The following PCDHGB1 variants were observed in gnomAD, a reference collection of about 807,000 sequenced individuals.
The protein encoded by PCDHGB1 is protocadherin gamma-B1.
A neutral mutation model predicts 56.6 loss-of-function variants in PCDHGB1; 34 were observed. The ratio of observed to expected loss-of-function variants is 0.60; its 90% CI spans 0.46 to 0.80. The LOEUF (loss-of-function observed/expected upper bound fraction) is 0.80, where lower values mean the gene tolerates loss of function less well. PCDHGB1 is among the 30% of genes least tolerant of loss of function. The pLI is 0.00. For missense variants in PCDHGB1, 1,278 were observed against 1,204.6 expected, an observed-to-expected ratio of 1.06 and a Z score of -0.90; for synonymous variants, 561 against 505.9, an observed-to-expected ratio of 1.11 and a Z score of -1.46.
intron 1 of PCDHGB1, chr5:141,419,027 G>A (rs1415215066): frequency 6.2e-7 from 1 of 1,613,870 alleles, no homozygotes; most frequent in Admixed American, 1.7e-5. Flanking sequence ...AAGTAGAGGT[G>A]TTCCATTTAA....
intron 1 of PCDHGB1, chr5:141,402,840 T>C: frequency 7.2e-7 from 1 of 1,388,218 alleles, no homozygotes; most frequent in Non-Finnish European, 9.5e-7. Flanking sequence ...GCAGCAAAAC[T>C]CAGCCTCTTT....
intron 1 of PCDHGB1, chr5:141,418,648 A>G (rs1387887578): frequency 1.2e-6 from 2 of 1,614,036 alleles, no homozygotes; most frequent in Non-Finnish European, 1.7e-6. Flanking sequence ...CCATCCTGAG[A>G]GTGAAGGCCA....
rs557311426 is a variant in PCDHGB1, at chr5:141,384,226, G to T, written c.2409+31557G>T. 56 of 1,613,860 alleles carry T rather than the reference G, an allele frequency of 3.5e-5. No homozygotes were observed. In the East Asian group the frequency reaches 1.2e-3, roughly 34 times the overall value. ...GGAAACTCACATATTCATGCAGGTGGCAGACACCAACGATAACCCACCCAC... is the reference window on the plus strand; with the variant it reads ...GGAAACTCACATATTCATGCAGGTGTCAGACACCAACGATAACCCACCCAC... On this transcript the variant is annotated intron_variant, in intron 1 of 3. Coordinates refer to ENST00000523390, the MANE Select transcript of PCDHGB1 (RefSeq NM_018922.3).
At chr5:141,383,865 A>C in intron 1 of PCDHGB1, 3 of 1,614,012 alleles carry the variant, frequency 1.9e-6, no homozygotes, top group Non-Finnish European at 2.5e-6. Context: ...TTCAGGCTCA[A>C]GATGGTCCTG....
chr5:141,485,338 T>C lies in PCDHGB1; in HGVS notation c.2410-9469T>C, dbSNP rs1259658641. The stretch of plus-strand genomic sequence containing the variant: ...ATGTCGCTCAAGATTTCCTGCTGGA[T>C]ACGGACAGTCTGTCAGCTCGCAGGC... On this transcript the variant is annotated intron_variant, in intron 1 of 3. Coordinates refer to ENST00000523390, the MANE Select transcript of PCDHGB1 (RefSeq NM_018922.3). The surrounding 1 kb of genome is among the most constrained non-coding windows in gnomAD (Gnocchi z 5.7). 1 of 1,614,140 alleles carries C rather than the reference T, an allele frequency of 6.2e-7. No individual in the cohort carries two copies. Among genetic ancestry groups the C allele is most frequent in the Non-Finnish European group, 8.5e-7 (1 of 1,180,006 alleles).
chr5:141,474,551 C>G (rs1032524620), intron 1 of PCDHGB1, among the ~76,000 whole-genome samples: 35 of 152,312 alleles, frequency 2.3e-4, no homozygotes, highest in Non-Finnish European at 3.5e-4. Flanking sequence ...GCATTTAAAA[C>G]TGGGGGTTTT....
chr5:141,399,055 G>C, intron 1 of PCDHGB1: 1 of 1,613,844 alleles, frequency 6.2e-7, no homozygotes, highest in Non-Finnish European at 8.5e-7. Context: ...AGAGACCAAG[G>C]AATATTCAAT....
In PCDHGB1 at chr5:141,487,493, C is replaced by T; in HGVS notation, c.2410-7314C>T. 6.2e-7 allele frequency: 1 copy of T among 1,614,168 alleles called. No individual in the cohort carries two copies. The highest frequency in any genetic ancestry group is 1.1e-5 in the South Asian group (1 of 91,088). On this transcript the variant is annotated intron_variant, in intron 1 of 3. Coordinates refer to ENST00000523390, the MANE Select transcript of PCDHGB1 (RefSeq NM_018922.3). The surrounding 1 kb of genome is among the most constrained non-coding windows in gnomAD (Gnocchi z 5.0). ...GGGAGGCCACTCTCATGGCTGTACA[C>T]CCTTGGCTTCTGCACCCACTCGGAG...
chr5:141,354,091 C>T (rs1759467411), intron 1 of PCDHGB1, among the ~76,000 whole-genome samples: 1 of 152,152 alleles, frequency 6.6e-6, no homozygotes, highest in East Asian at 1.9e-4. Flanking sequence ...CTTTTACTGG[C>T]TATTTCTAAA....
chr5:141,423,462 C>G, intron 1 of PCDHGB1: 1 of 1,613,924 alleles, frequency 6.2e-7, no homozygotes, highest in Non-Finnish European at 8.5e-7. Flanking sequence ...TAGGCGTGGA[C>G]GGGGTACAGG....
At chr5:141,478,675 G>T in intron 1 of PCDHGB1, 1 of 1,551,574 alleles carries the variant, frequency 6.4e-7, no homozygotes, top group Non-Finnish European at 8.7e-7. Flanking sequence ...ACTTTCAACT[G>T]GCCCTTCCTA....
Position 141,431,132 on chromosome 5 carries a change from G to A in PCDHGB1, c.2410-63675G>A. On this transcript the variant is annotated intron_variant, in intron 1 of 3. Coordinates refer to ENST00000523390, the MANE Select transcript of PCDHGB1 (RefSeq NM_018922.3). This position sits in a 1 kb window ranked among gnomAD's most constrained non-coding sequence, Gnocchi z 4.8. ...ATATGGAGTAGAAGTAGAAGTAAGGGACATTAACGACAATGCGCCTTACTT... is the reference window on the plus strand; with the variant it reads ...ATATGGAGTAGAAGTAGAAGTAAGGAACATTAACGACAATGCGCCTTACTT... 2 of 1,614,232 alleles carry A rather than the reference G, an allele frequency of 1.2e-6. No individual in the cohort carries two copies. The highest frequency in any genetic ancestry group is 8.5e-7 in the Non-Finnish European group (1 of 1,180,024).
At chr5:141,372,421 G>A (rs1406028554) in intron 1 of PCDHGB1, 2 of 1,614,058 alleles carry the variant, frequency 1.2e-6, no homozygotes, top group Non-Finnish European at 1.7e-6. Context: ...CCTGACCTTA[G>A]CGACCGCCCC....
chr5:141,505,509 G>A (rs778054090), intron 3 of PCDHGB1, 28 bp downstream of exon 3: 1 of 1,613,940 alleles, frequency 6.2e-7, no homozygotes, highest in Non-Finnish European at 8.5e-7. Context: ...GTGTATGGAA[G>A]AGTGGGAGAC....
chr5:141,433,076 C>T, intron 1 of PCDHGB1: 1 of 1,614,188 alleles, frequency 6.2e-7, no homozygotes, highest in Non-Finnish European at 8.5e-7. Context: ...CTTCCCCCAG[C>T]CCAACTATGC....
chr5:141,355,378 G>A, intron 1 of PCDHGB1: 1 of 1,614,042 alleles, frequency 6.2e-7, no homozygotes, highest in South Asian at 1.1e-5. Flanking sequence ...CCGGGAGCTG[G>A]CGGAGCGCGG....
At chr5:141,409,690 A>G in intron 1 of PCDHGB1, 1 of 1,613,354 alleles carries the variant, frequency 6.2e-7, no homozygotes. Flanking sequence ...CGAGTGACCT[A>G]GAGCCCCTGG....
rs573137440 is a variant in PCDHGB1 at position 141,365,509 on chromosome 5, A to G, written c.2409+12840A>G. 14 of 1,613,912 alleles carry G rather than the reference A, an allele frequency of 8.7e-6. No individual in the cohort carries two copies. The East Asian group carries it at 2.9e-4, about 33-fold the overall frequency. On this transcript the variant is annotated intron_variant, in intron 1 of 3. Transcript: ENST00000523390. ...CTATTCCTAGGAATTTGCCTTTTAA[A>G]TTGGAGAAGTCAGTTGATAATTACT...
chr5:141,374,365 G>C, intron 1 of PCDHGB1: 1 of 1,614,054 alleles, frequency 6.2e-7, no homozygotes, highest in Non-Finnish European at 8.5e-7. Flanking sequence ...ACCGCGAGGA[G>C]CTCTGTGCTC....
Sources: gnomAD v4.1 joint callset for allele counts (sites outside exome capture counted in the v4.1 genomes callset) on GRCh38, gnomAD v4.1.1 for gene constraint, Gnocchi (gnomAD v3.1) non-coding constraint, MANE v1.5 for transcripts, NCBI Gene and HGNC (gene_info 2026-07-23, HGNC 2026-07-21) for gene names.